The following PPP1R14B variants were observed in gnomAD, a reference collection of about 807,000 sequenced individuals.
The protein encoded by PPP1R14B is protein phosphatase 1 regulatory inhibitor subunit 14B.
A neutral mutation model predicts 14.7 loss-of-function variants in PPP1R14B; 4 were observed. The ratio of observed to expected loss-of-function variants is 0.27; its 90% CI spans 0.13 to 0.62. The LOEUF (loss-of-function observed/expected upper bound fraction) is 0.62. Among genes scored for constraint, PPP1R14B ranks in the 20% least tolerant of loss-of-function variants. The pLI is 0.85. For synonymous variants in PPP1R14B, 76 were observed against 87.3 expected (o/e 0.87, Z 0.72); for missense variants, 138 against 201.5 (o/e 0.68, Z 1.91).
Position 64,245,249 on chromosome 11 carries a change from C to T in PPP1R14B, c.297G>A (p.Glu99=), listed in dbSNP as rs766831386. Residue 99 remains glutamate, a synonymous_variant, in exon 2 of 4, where the codon GAG becomes GAA. Coordinates refer to ENST00000309318, the MANE Select transcript of PPP1R14B (RefSeq NM_138689.3). ...EIPELEIDVD[E]LLDMESDDAR... is the part of the protein sequence containing the mutation. The stretch of plus-strand genomic sequence containing the variant: ...CATCGTCACTCTCCATGTCCAGGAG[C>T]TCATCCACGTCAATCTCCAGTTCTG... The T allele has an allele frequency of 1.9e-6, 3 of 1,613,634 alleles. No homozygotes were observed. Among genetic ancestry groups the T allele is most frequent in the Admixed American group, 1.7e-5 (1 of 59,994 alleles).
chr11:64,244,909 G>A (rs1483411036), intron 3 of PPP1R14B, 21 bp downstream of exon 3: 7 of 1,600,306 alleles, frequency 4.4e-6, no homozygotes, highest in South Asian at 3.3e-5. Flanking sequence ...ACCCCCGCCA[G>A]CCCCCCAGGA....
chr11:64,246,689 CA>C lies in PPP1R14B; in HGVS notation c.-17del, dbSNP rs2030893412. The C allele has an allele frequency of 9.2e-7, 1 of 1,090,294 alleles. No homozygotes were observed. Among genetic ancestry groups the C allele is most frequent in the Admixed American group, 5.2e-5 (1 of 19,090 alleles). The allele number at this position is 1,090,294 out of a possible 1,614,324, so 67.5% of individuals were successfully genotyped here. A position where few individuals can be genotyped will look rare whatever the true frequency, so the allele number is the denominator to read the frequency against. On this transcript the variant is annotated 5_prime_UTR_variant, in exon 1 of 4. Coordinates refer to ENST00000309318, the MANE Select transcript of PPP1R14B (RefSeq NM_138689.3). ...TGTCCGCCATGGCGGCCGCCGGGGC[CA>C]CGTGCGAGCGTCGGGCCCCTCCCTG...
At chr11:64,245,475 GGT>G in intron 1 of PPP1R14B, 188 bp from the exon 2 acceptor site, 1 of 335,152 alleles carries the variant, frequency 3.0e-6, no homozygotes, top group Non-Finnish European at 5.1e-6. Flanking sequence ...CCCAAAGCGG[GGT>G]GGGGGGGGGA....
In PPP1R14B at chr11:64,244,927, T is replaced by C. The variant is rs1293333983; in HGVS notation, c.375+3A>G. The C allele has an allele frequency of 6.2e-7, 1 of 1,612,342 alleles. No individual in the cohort carries two copies. The highest frequency in any genetic ancestry group is 8.5e-7 in the Non-Finnish European group (1 of 1,178,864). On this transcript the variant is annotated splice_donor_region_variant and intron_variant, in intron 3 of 3. Coordinates refer to ENST00000309318, the MANE Select transcript of PPP1R14B (RefSeq NM_138689.3). ...CCCGCCAGCCCCCCAGGAAATCTCTTACCTCTGTGGGTTTGTAACAGTCAA... is the reference window on the plus strand; with the variant it reads ...CCCGCCAGCCCCCCAGGAAATCTCTCACCTCTGTGGGTTTGTAACAGTCAA...
At chr11:64,245,371 G>T in intron 1 of PPP1R14B, 84 bp from the exon 2 acceptor site, 1 of 1,175,268 alleles carries the variant, frequency 8.5e-7, no homozygotes. Context: ...TGAGGCCCCT[G>T]CCTACCTCGG....
Position 64,246,657 on chromosome 11 carries a change from G to A in PPP1R14B, c.17C>T (p.Thr6Ile). The change falls in exon 1 of 4, where the codon ACC becomes ATC. Residue 6 changes from threonine (T) to isoleucine (I), a missense_variant. Thr to Ile is a moderately conservative substitution (Grantham distance 89, BLOSUM62 -1). Transcript: ENST00000309318. ...GGCCGCCAACGCCGCGCCCCCCGCG[G>A]TGCCGCTGTCCGCCATGGCGGCCGC... Reference protein sequence around the residue: MADSGTAGGAALAAPA... With the variant: MADSGIAGGAALAAPA... 1 of 1,218,064 alleles carries A rather than the reference G, an allele frequency of 8.2e-7. No individual in the cohort carries two copies. The allele number at this position is 1,218,064 out of a possible 1,614,324, so 75.5% of individuals were successfully genotyped here.
At position 64,246,906 on chromosome 11, in the gene PPP1R14B, C is replaced by A; in HGVS notation, c.-233G>T. The stretch of plus-strand genomic sequence containing the variant: ...CCCGCCCTTTGTCCCCCGCGGCCGC[C>A]GCCCGAGCTGCAGCCGCCGAAGCGC... On this transcript the variant is annotated 5_prime_UTR_variant, in exon 1 of 4. Coordinates refer to ENST00000309318, the MANE Select transcript of PPP1R14B (RefSeq NM_138689.3). 5.8e-6 allele frequency: 1 copy of A among 172,382 alleles called. No homozygotes were observed. Among genetic ancestry groups the A allele is most frequent in the Non-Finnish European group, 1.1e-5 (1 of 88,030 alleles). 10.7% of individuals were successfully genotyped at this position (172,382 alleles called of 1,614,324 possible).
rs1477609708 is a variant in PPP1R14B, at chr11:64,245,301, G to A, written c.259-14C>T. 4 of 1,575,552 alleles carry A rather than the reference G, an allele frequency of 2.5e-6. No individual in the cohort carries two copies. The highest frequency in any genetic ancestry group is 3.5e-6 in the Non-Finnish European group (4 of 1,145,792). ...GATCTCCTCTTCCTGGGGTGGGGGTGGGGGAGGAGGGAGAGACATAAGCCT... is the reference window on the plus strand; with the variant it reads ...GATCTCCTCTTCCTGGGGTGGGGGTAGGGGAGGAGGGAGAGACATAAGCCT... On this transcript the variant is annotated splice_polypyrimidine_tract_variant and intron_variant, in intron 1 of 3. Transcript: ENST00000309318.
Position 64,246,473 on chromosome 11 carries a change from C to T in PPP1R14B, c.201G>A (p.Lys67=). Residue 67 remains lysine, a synonymous_variant, in exon 1 of 4, where the codon AAG becomes AAA. Transcript: ENST00000309318. The part of the protein sequence containing the change: ...TVKYDRKELR[K]RLNLEEWILE... ...GGATCCACTCCTCTAGGTTGAGGCG[C>T]TTCCGTAGCTCCTTGCGGTCATACT... 6.2e-7 allele frequency: 1 copy of T among 1,610,046 alleles called. No individual in the cohort carries two copies. The highest frequency in any genetic ancestry group is 1.3e-5 in the African/African-American group (1 of 74,904).
chr11:64,244,967 C>T lies in PPP1R14B; in HGVS notation c.343-5G>A. 6.2e-7 allele frequency: 1 copy of T among 1,610,976 alleles called. No homozygotes were observed. Among genetic ancestry groups the T allele is most frequent in the African/African-American group, 1.3e-5 (1 of 74,940 alleles). On this transcript the variant is annotated splice_region_variant and splice_polypyrimidine_tract_variant and intron_variant, in intron 2 of 3. Transcript: ENST00000309318. ...GTAACAGTCAACCAGCAGCTCCTAG[C>T]AGAGGATGGGGGAGGAAGGATAAGT...
intron 1 of PPP1R14B, 142 bp downstream of exon 1, chr11:64,246,274 G>T: frequency 8.9e-7 from 1 of 1,118,912 alleles, no homozygotes. Flanking sequence ...GTATATATTG[G>T]GGGCGGGAGT....
At chr11:64,245,908 G>C in intron 1 of PPP1R14B, 1 of 159,200 alleles carries the variant, frequency 6.3e-6, no homozygotes, top group Non-Finnish European at 1.4e-5. Flanking sequence ...GCCCCCCGGG[G>C]CCTGAGTCAC....
rs2030894199 is a variant in PPP1R14B, at chr11:64,246,709, C to T, written c.-36G>A. 1 of 1,026,124 alleles carries T rather than the reference C, an allele frequency of 9.7e-7. No individual in the cohort carries two copies. The highest frequency in any genetic ancestry group is 1.2e-6 in the Non-Finnish European group (1 of 858,426). The allele number at this position is 1,026,124 out of a possible 1,614,324, so 63.6% of individuals were successfully genotyped here. ...GGGGCCACGTGCGAGCGTCGGGCCC[C>T]TCCCTGCGCCACCGCCTCCGGGACG... is the stretch of plus-strand genomic sequence containing the variant. On this transcript the variant is annotated 5_prime_UTR_variant, in exon 1 of 4. Coordinates refer to ENST00000309318, the MANE Select transcript of PPP1R14B (RefSeq NM_138689.3).
chr11:64,245,394 C>T (rs2030836858), intron 1 of PPP1R14B, 107 bp from the exon 2 acceptor site: 1 of 888,876 alleles, frequency 1.1e-6, no homozygotes, highest in Non-Finnish European at 1.8e-6. Context: ...GAACCCAGCC[C>T]TCTGCCCAGC....
chr11:64,244,641 C>T lies in PPP1R14B; in HGVS notation c.*113G>A. 5.3e-6 allele frequency: 8 copies of T among 1,517,954 alleles called. 1 individual carries two copies. In the South Asian group the frequency reaches 7.2e-5, roughly 14 times the overall value. 94.0% of individuals were successfully genotyped at this position (1,517,954 alleles called of 1,614,324 possible). On this transcript the variant is annotated 3_prime_UTR_variant, in exon 4 of 4. Transcript: ENST00000309318. ...ACCCCTGGGCCAGGGGCACGAGGAG[C>T]CCTGCTCATGGCACCAGGCCTGGCC...
In PPP1R14B at chr11:64,244,834, G is replaced by A. The variant is rs2030803848; in HGVS notation, c.376-12C>T. ...CCAGAAATGAAGGCCTGGATGGGGTGGGAGGGTAAACATTAAGGAGACCAG... is the reference window on the plus strand; with the variant it reads ...CCAGAAATGAAGGCCTGGATGGGGTAGGAGGGTAAACATTAAGGAGACCAG... On this transcript the variant is annotated splice_polypyrimidine_tract_variant and intron_variant, in intron 3 of 3. Transcript: ENST00000309318. The A allele has an allele frequency of 6.2e-7, 1 of 1,614,072 alleles. No homozygotes were observed. Among genetic ancestry groups the A allele is most frequent in the African/African-American group, 1.3e-5 (1 of 75,040 alleles).
chr11:64,244,554 C>T lies in PPP1R14B; in HGVS notation c.*200G>A. The T allele has an allele frequency of 7.4e-7, 1 of 1,344,296 alleles. No individual in the cohort carries two copies. Among genetic ancestry groups the T allele is most frequent in the Non-Finnish European group, 9.9e-7 (1 of 1,006,002 alleles). 83.3% of individuals were successfully genotyped at this position (1,344,296 alleles called of 1,614,324 possible). On this transcript the variant is annotated 3_prime_UTR_variant, in exon 4 of 4. Transcript: ENST00000309318. ...GAGTCAATATAAAAACACAAAAAGT[C>T]CCATCAGTTTAATAACAATAAAAAA...
chr11:64,245,038 A>G lies in PPP1R14B; in HGVS notation c.343-76T>C, dbSNP rs960271376. On this transcript the variant is annotated intron_variant, in intron 2 of 3. Transcript: ENST00000309318. Reference sequence around the variant, plus strand: ...CTGGAGCTCGCCTATACCCACTTCCAAGAGACTGGGGCCACCCTGAGGCAC... The same window carrying G: ...CTGGAGCTCGCCTATACCCACTTCCGAGAGACTGGGGCCACCCTGAGGCAC... 10 of 1,501,242 alleles carry G rather than the reference A, an allele frequency of 6.7e-6. No homozygotes were observed. The Admixed American group carries it at 2.0e-4, about 29-fold the overall frequency. 93.0% of individuals were successfully genotyped at this position (1,501,242 alleles called of 1,614,324 possible).
chr11:64,246,237 G>T lies in PPP1R14B; in HGVS notation c.258+179C>A, dbSNP rs941198151. 17 of 828,398 alleles carry T rather than the reference G, an allele frequency of 2.1e-5. No homozygotes were observed. The African/African-American group carries it at 2.1e-4, about 10-fold the overall frequency. The allele number at this position is 828,398 out of a possible 1,614,324, so 51.3% of individuals were successfully genotyped here. A position where few individuals can be genotyped will look rare whatever the true frequency, so the allele number is the denominator to read the frequency against. ...AGGGTCCGAGGCAACGGAGAAGGCA[G>T]AAGTGACTTAGGTCAGGCAAGAAAG... On this transcript the variant is annotated intron_variant, in intron 1 of 3. Coordinates refer to ENST00000309318, the MANE Select transcript of PPP1R14B (RefSeq NM_138689.3).
Sources: allele counts gnomAD v4.1 joint callset, GRCh38; gene constraint gnomAD v4.1.1; transcripts MANE v1.5; gene names NCBI Gene and HGNC (gene_info 2026-07-23, HGNC 2026-07-21).